The following FSD1L variants were observed in gnomAD, a reference collection of about 807,000 sequenced individuals.
FSD1L encodes the protein fibronectin type III and SPRY domain containing 1 like, also known as FSD1-like protein.
FSD1L carries 45 observed loss-of-function variants against 71.6 expected under a neutral mutation model. The ratio of observed to expected loss-of-function variants is 0.63; its 90% confidence interval spans 0.49 to 0.81. The LOEUF is 0.81. Ranked by LOEUF, FSD1L falls within the 30% of genes least tolerant of loss-of-function variation. FSD1L has a pLI of 0.00. For synonymous variants in FSD1L, 197 were observed against 207.2 expected, an observed-to-expected ratio of 0.95 and a Z score of 0.42; for missense variants, 561 against 618.1, an observed-to-expected ratio of 0.91 and a Z score of 0.98.
intron 7 of FSD1L, among the ~76,000 whole-genome samples, chr9:105,486,682 C>G (rs1832571965): frequency 6.6e-6 from 1 of 152,106 alleles, no homozygotes; most frequent in South Asian, 2.1e-4. Flanking sequence ...TAATTTCCAT[C>G]TGAGTGGAGA....
chr9:105,451,377 C>T (rs1829994657), intron 1 of FSD1L, among the ~76,000 whole-genome samples: 1 of 152,232 alleles, frequency 6.6e-6, no homozygotes, highest in African/African-American at 2.4e-5. Flanking sequence ...AGTTCTGAGT[C>T]ATGCAGTCTG....
chr9:105,535,299 A>G lies in FSD1L; in HGVS notation c.1359A>G (p.Val453=), dbSNP rs1304925811. ...TTACTGTTCCTGAAAAAATAGGTGT[A>G]TTTTGTGATTTTGATGGGGGTAAGT... ...LDVTVPEKIG[V]FCDFDGGQLS... The change falls in exon 12 of 14, where the codon GTA becomes GTG. Residue 453 remains valine (V), a synonymous_variant. Transcript: ENST00000481272. 6.4e-7 allele frequency: 1 copy of G among 1,551,482 alleles called. No homozygotes were observed. Among genetic ancestry groups the G allele is most frequent in the Non-Finnish European group, 8.7e-7 (1 of 1,146,878 alleles).
chr9:105,524,020 C>T, intron 10 of FSD1L: 5 of 1,600,286 alleles, frequency 3.1e-6, no homozygotes, highest in South Asian at 2.2e-5. Context: ...TCTCTTCATC[C>T]CAACATTCCT....
chr9:105,482,165 G>A (rs183682943), intron 6 of FSD1L, among the ~76,000 whole-genome samples: 1 of 152,280 alleles, frequency 6.6e-6, no homozygotes, highest in East Asian at 1.9e-4. Flanking sequence ...AAATGAAAAT[G>A]TCTGTGAAAA....
At position 105,525,839 on chromosome 9, in the gene FSD1L, C is replaced by T; in HGVS notation, c.1026-8654C>T. 1.9e-6 allele frequency: 3 copies of T among 1,602,542 alleles called. No homozygotes were observed. The East Asian group carries it at 6.7e-5, about 36-fold the overall frequency. Reference sequence around the variant, plus strand: ...GGAGGACTACAAAAAAACAAAAGCACTGGATTGACCACTCCATATTTTGCT... The same window carrying T: ...GGAGGACTACAAAAAAACAAAAGCATTGGATTGACCACTCCATATTTTGCT... On this transcript the variant is annotated intron_variant, in intron 10 of 13. Coordinates refer to ENST00000481272, the MANE Select transcript of FSD1L (RefSeq NM_001145313.3).
intron 1 of FSD1L, 142 bp downstream of exon 1, chr9:105,448,377 C>T: frequency 2.7e-6 from 2 of 735,302 alleles, no homozygotes; most frequent in Non-Finnish European, 2.0e-6. Flanking sequence ...GGCAAGGCCG[C>T]CCGGCCGCTC....
chr9:105,544,798 G>T (rs1416752278), intron 13 of FSD1L, among the ~76,000 whole-genome samples: 1 of 152,048 alleles, frequency 6.6e-6, no homozygotes, highest in Non-Finnish European at 1.5e-5. Context: ...CTCTGTTTTG[G>T]TACCAGTACC....
At chr9:105,445,565 A>G (rs1829623965), upstream of FSD1L, among the ~76,000 whole-genome samples, 1 of 152,136 alleles carries the variant, frequency 6.6e-6, no homozygotes, top group African/African-American at 2.4e-5. Flanking sequence ...TCCTTGCAGC[A>G]AGAGAAGTGG....
At position 105,454,561 on chromosome 9, in the gene FSD1L, C is replaced by T. The variant is rs1324366019; in HGVS notation, c.15+6326C>T. Among the ~76,000 whole-genome samples the T allele has an allele frequency of 7.9e-5, 12 of 152,296 alleles. No homozygotes were observed. In the East Asian group the frequency reaches 1.3e-3, roughly 17 times the overall value. ...AGGGTTGTTAGTTTATACTAATACT[C>T]GCATCTCCACTCCAATGCCACCTTC... On this transcript the variant is annotated intron_variant, in intron 1 of 13. Transcript: ENST00000481272.
In FSD1L at chr9:105,551,947, A is replaced by G. The variant is rs1837281586; in HGVS notation, c.*5464A>G. 6.6e-6 allele frequency: 1 copy of G among 152,228 alleles called. No individual in the cohort carries two copies. Among genetic ancestry groups the G allele is most frequent in the Admixed American group, 6.5e-5 (1 of 15,282 alleles). 9.4% of individuals were successfully genotyped at this position (152,228 alleles called of 1,614,324 possible). A position where few individuals can be genotyped will look rare whatever the true frequency, so the allele number is the denominator to read the frequency against. Reference sequence around the variant, plus strand: ...AAATGATATAAAATGTAACCACTGAACATTTGACAACTTTGTTGCATTATC... The same window carrying G: ...AAATGATATAAAATGTAACCACTGAGCATTTGACAACTTTGTTGCATTATC... On this transcript the variant is annotated 3_prime_UTR_variant, in exon 14 of 14. Transcript: ENST00000481272.
intron 2 of FSD1L, among the ~76,000 whole-genome samples, chr9:105,463,834 T>C (rs1024338037): frequency 5.3e-4 from 80 of 152,362 alleles, no homozygotes; most frequent in African/African-American, 1.9e-3. Flanking sequence ...AATAAAATGT[T>C]GATGAATTTG....
At chr9:105,447,913 GA>G (rs1829714707), upstream of FSD1L, 82 of 500,862 alleles carry the variant, frequency 1.6e-4, 2 homozygotes, top group East Asian at 3.1e-3. Context: ...GCAGCCTGCA[GA>G]GGCACTAGCG....
At position 105,535,060 on chromosome 9, in the gene FSD1L, TTTGTAGGAGACACTGCTA is replaced by T; in HGVS notation, c.1127-3_1141del. The T allele has an allele frequency of 6.4e-7, 1 of 1,551,442 alleles. No individual in the cohort carries two copies. Among genetic ancestry groups the T allele is most frequent in the Non-Finnish European group, 8.7e-7 (1 of 1,146,852 alleles). On this transcript the variant is annotated splice_acceptor_variant and splice_polypyrimidine_tract_variant and coding_sequence_variant and intron_variant, in exon 12 of 14. Transcript: ENST00000481272. LOFTEE classifies it high-confidence loss of function. Reference sequence around the variant, plus strand: ...TGAGTCAAATCTACCTTTCTGATCTTTTGTAGGAGACACTGCTATTGAAAGTGGACAACATTATTGGGA... The same window carrying T: ...TGAGTCAAATCTACCTTTCTGATCTTTTGAAAGTGGACAACATTATTGGGA...
chr9:105,481,337 T>G (rs1004175369), intron 6 of FSD1L, among the ~76,000 whole-genome samples: 3 of 151,148 alleles, frequency 2.0e-5, no homozygotes, highest in African/African-American at 7.3e-5. Flanking sequence ...CAGGCTGGAG[T>G]GCAGTGGTGC....
At position 105,512,770 on chromosome 9, in the gene FSD1L, A is replaced by G. The variant is rs527550486; in HGVS notation, c.896-37A>G. ...GTGTTTCAGAAAGTGGAGATATGCT[A>G]TATTTTAAAAATATATTTAAATATT... On this transcript the variant is annotated intron_variant, in intron 9 of 13. Coordinates refer to ENST00000481272, the MANE Select transcript of FSD1L (RefSeq NM_001145313.3). 148 of 1,213,530 alleles carry G rather than the reference A, an allele frequency of 1.2e-4. 3 individuals carry two copies. In the South Asian group the frequency reaches 2.2e-3, roughly 18 times the overall value. The allele number at this position is 1,213,530 out of a possible 1,614,324, so 75.2% of individuals were successfully genotyped here.
At chr9:105,450,780 G>T (rs771804460) in intron 1 of FSD1L, among the ~76,000 whole-genome samples, 14 of 151,946 alleles carry the variant, frequency 9.2e-5, no homozygotes, top group Non-Finnish European at 1.8e-4. Flanking sequence ...CAGGTGATCC[G>T]CCAGCCTTGG....
At chr9:105,510,199 G>A (rs1834312635) in intron 9 of FSD1L, among the ~76,000 whole-genome samples, 1 of 152,186 alleles carries the variant, frequency 6.6e-6, no homozygotes, top group Admixed American at 6.5e-5. Context: ...GAGAAACTAA[G>A]TTGATTCTAG....
intron 9 of FSD1L, among the ~76,000 whole-genome samples, chr9:105,512,086 A>G (rs60312332): frequency 0.025 from 3,794 of 152,210 alleles, 178 homozygotes; most frequent in African/African-American, 0.087. Flanking sequence ...TTTCCAAGGA[A>G]AGAAGCTTAT....
upstream of FSD1L, among the ~76,000 whole-genome samples, chr9:105,446,787 G>T (rs1354137025): frequency 6.9e-6 from 1 of 145,466 alleles, no homozygotes; most frequent in Non-Finnish European, 1.5e-5. Flanking sequence ...GCCCACTACT[G>T]AATTTTGTTT....
Sources: allele counts gnomAD v4.1 joint callset (sites outside exome capture counted in the v4.1 genomes callset), GRCh38; gene constraint gnomAD v4.1.1; transcripts MANE v1.5; gene names NCBI Gene and HGNC (gene_info 2026-07-23, HGNC 2026-07-21).